AKAP13: variants seen among roughly 807,000 people sequenced by gnomAD.
AKAP13 encodes the protein A-kinase anchor protein 13.
AKAP13 carries 80 observed loss-of-function variants against 264.5 expected under a neutral mutation model. That is an observed-to-expected ratio of 0.30 (90% CI 0.25 to 0.36). The LOEUF is 0.36. AKAP13 is among the 10% of genes least tolerant of loss of function. The pLI is 1.00. For synonymous variants in AKAP13, 1,380 were observed against 1,250.2 expected (o/e 1.10, Z -2.19); for missense variants, 3,712 against 3,435.2 (o/e 1.08, Z -2.01).
intron 5 of AKAP13, among the ~76,000 whole-genome samples, chr15:85,550,633 C>A (rs992350992): frequency 6.6e-6 from 1 of 152,152 alleles, no homozygotes; most frequent in East Asian, 1.9e-4. Context: ...TCCTCAGTAG[C>A]CCATCTGGTG....
intron 14 of AKAP13, among the ~76,000 whole-genome samples, chr15:85,674,659 G>A (rs540280114): frequency 6.6e-6 from 1 of 152,312 alleles, no homozygotes; most frequent in East Asian, 1.9e-4. Context: ...GAGCTGAACT[G>A]TGGCAGTTAC....
chr15:85,545,116 A>G (rs2077694339), intron 5 of AKAP13, among the ~76,000 whole-genome samples: 1 of 152,160 alleles, frequency 6.6e-6, no homozygotes, highest in African/African-American at 2.4e-5. Context: ...CTTATCTCAA[A>G]TGAGCTTTGG....
intron 2 of AKAP13, among the ~76,000 whole-genome samples, chr15:85,516,705 A>T (rs2076612461): frequency 6.6e-6 from 1 of 152,172 alleles, no homozygotes; most frequent in Non-Finnish European, 1.5e-5. Context: ...TGCTGGTTAA[A>T]AAGAAAAAAA....
chr15:85,518,446 A>G (rs980667544), intron 2 of AKAP13, among the ~76,000 whole-genome samples: 5 of 152,226 alleles, frequency 3.3e-5, no homozygotes, highest in Non-Finnish European at 7.3e-5. Context: ...AGGCTTTGAA[A>G]TGAATGGAGC....
intron 14 of AKAP13, among the ~76,000 whole-genome samples, chr15:85,672,107 C>G (rs1031008671): frequency 2.6e-5 from 4 of 152,192 alleles, no homozygotes; most frequent in Non-Finnish European, 5.9e-5. Context: ...TTCTGCTCAA[C>G]TCACCTAGGG....
chr15:85,739,511 A>T (rs1445569830), intron 33 of AKAP13, among the ~76,000 whole-genome samples: 1 of 151,834 alleles, frequency 6.6e-6, no homozygotes, highest in African/African-American at 2.4e-5. Context: ...TAAATGAAAG[A>T]TTTTTCCATT....
chr15:85,517,885 A>G (rs1188109631), intron 2 of AKAP13, among the ~76,000 whole-genome samples: 1 of 152,226 alleles, frequency 6.6e-6, no homozygotes, highest in Non-Finnish European at 1.5e-5. Flanking sequence ...ATGAAGAAAC[A>G]TGGAAAATAT....
At chr15:85,627,983 C>T (rs1213286822) in intron 8 of AKAP13, among the ~76,000 whole-genome samples, 6 of 152,166 alleles carry the variant, frequency 3.9e-5, no homozygotes, top group Non-Finnish European at 5.9e-5. Flanking sequence ...GAGCTTTTCC[C>T]AGATTCTTGA....
rs763683332 is a variant in AKAP13, at chr15:85,400,162, G to A, written c.-12+19364G>A. Among the ~76,000 whole-genome samples, 181 of 152,158 alleles carry A rather than the reference G, an allele frequency of 1.2e-3. 2 individuals are homozygous for A. The highest frequency in any genetic ancestry group is 4.6e-4 in the Admixed American group (7 of 15,274). ...CACTTATAATCTCAGCATTTTGAGA[G>A]GTTGAGGTGGGAGGATAGCTTGAAG... On this transcript the variant is annotated intron_variant, in intron 1 of 36. Coordinates refer to ENST00000394518, the MANE Select transcript of AKAP13 (RefSeq NM_007200.5).
intron 14 of AKAP13, among the ~76,000 whole-genome samples, chr15:85,672,942 T>C (rs1285371173): frequency 6.6e-6 from 1 of 152,238 alleles, no homozygotes; most frequent in Non-Finnish European, 1.5e-5. Flanking sequence ...CTTGGCTGTT[T>C]ATTATGAGTG....
intron 17 of AKAP13, among the ~76,000 whole-genome samples, 176 bp downstream of exon 17, chr15:85,693,627 C>G (rs1285988789): frequency 6.6e-6 from 1 of 152,156 alleles, no homozygotes; most frequent in Non-Finnish European, 1.5e-5. Flanking sequence ...TAACATACAG[C>G]CTATATTTTT....
chr15:85,572,805 G>C (rs1221428513), intron 5 of AKAP13, among the ~76,000 whole-genome samples: 3 of 152,154 alleles, frequency 2.0e-5, no homozygotes, highest in Non-Finnish European at 4.4e-5. Context: ...TTCTGCTAAT[G>C]CTCTCCCTCC....
chr15:85,641,229 G>A lies in AKAP13; in HGVS notation c.4237+1780G>A, dbSNP rs560641791. On this transcript the variant is annotated intron_variant, in intron 9 of 36. Coordinates refer to ENST00000394518, the MANE Select transcript of AKAP13 (RefSeq NM_007200.5). ...GGGGAGGCCGAGGCGGGCAGATCACGAGATCAGGAGTTCAAGACCAGCCTG... is the reference window on the plus strand; with the variant it reads ...GGGGAGGCCGAGGCGGGCAGATCACAAGATCAGGAGTTCAAGACCAGCCTG... Among the ~76,000 whole-genome samples, 4 of 151,900 alleles carry A rather than the reference G, an allele frequency of 2.6e-5. No homozygotes were observed. The East Asian group carries it at 5.9e-4, about 23-fold the overall frequency.
intron 8 of AKAP13, among the ~76,000 whole-genome samples, chr15:85,623,952 T>C (rs549492101): frequency 1.3e-5 from 2 of 152,356 alleles, no homozygotes; most frequent in African/African-American, 4.8e-5. Flanking sequence ...AAAAAGCTAG[T>C]GTTGACCTCG....
intron 10 of AKAP13, among the ~76,000 whole-genome samples, chr15:85,650,870 A>G: frequency 6.6e-6 from 1 of 151,276 alleles, no homozygotes; most frequent in Non-Finnish European, 1.5e-5. Context: ...TAATGCTTGT[A>G]ATCAGGTACT....
chr15:85,545,916 C>T (rs987469954), intron 5 of AKAP13, among the ~76,000 whole-genome samples: 1 of 152,150 alleles, frequency 6.6e-6, no homozygotes, highest in African/African-American at 2.4e-5. Context: ...ACCATCACAA[C>T]ACTCACAGAG....
Position 85,700,704 on chromosome 15 carries a change from T to A in AKAP13, c.5464+7253T>A, listed in dbSNP as rs1311064381. ...AAACGTACCTTCTTAAAGGTATAAT[T>A]CCCAAATTTTAACATCAACATATCA... On this transcript the variant is annotated intron_variant, in intron 17 of 36. Transcript: ENST00000394518. Among the ~76,000 whole-genome samples the A allele has an allele frequency of 2.6e-5, 4 of 152,348 alleles. No individual in the cohort carries two copies. The East Asian group carries it at 7.7e-4, about 29-fold the overall frequency.
At chr15:85,738,906 T>A (rs1300328846) in intron 33 of AKAP13, among the ~76,000 whole-genome samples, 1 of 150,096 alleles carries the variant, frequency 6.7e-6, no homozygotes, top group African/African-American at 2.5e-5. Flanking sequence ...ACATAACATA[T>A]CCGAGTTGTA....
Position 85,579,867 on chromosome 15 carries a change from G to A in AKAP13, c.1799G>A (p.Gly600Glu). ...GCTGCAAAAGACAAGATTTCAGATG[G>A]ATTAGAACCTTATACTCTCTTAGCA... Reference protein sequence around the residue: ...PAAAKDKISDGLEPYTLLAAG... With the variant: ...PAAAKDKISDELEPYTLLAAG... Residue 600 changes from glycine to glutamate, a missense_variant, in exon 7 of 37, where the codon GGA (glycine) becomes GAA (glutamate). This residue lies in a region of AKAP13 where 2,759 missense variants were observed against 2,411.7 expected (regional missense o/e 1.14). Coordinates refer to ENST00000394518, the MANE Select transcript of AKAP13 (RefSeq NM_007200.5). 1 of 1,614,150 alleles carries A rather than the reference G, an allele frequency of 6.2e-7. No individual in the cohort carries two copies. The highest frequency in any genetic ancestry group is 8.5e-7 in the Non-Finnish European group (1 of 1,180,038).
Sources: gnomAD v4.1 joint callset for allele counts (sites outside exome capture counted in the v4.1 genomes callset) on GRCh38, gnomAD v4.1.1 for gene constraint, gnomAD v4.1.1 regional missense constraint, MANE v1.5 for transcripts, NCBI Gene and HGNC (gene_info 2026-07-23, HGNC 2026-07-21) for gene names.